The following TENM3 variants were observed in gnomAD, a reference collection of about 807,000 sequenced individuals.
TENM3 encodes the protein teneurin-3.
Under a neutral mutation model 255.1 loss-of-function variants are expected in TENM3, and 63 were observed. That is an observed-to-expected ratio of 0.25 (90% CI 0.20 to 0.30). The LOEUF (loss-of-function observed/expected upper bound fraction) is 0.30, where lower values mean the gene tolerates loss of function less well. Among genes scored for constraint, TENM3 ranks in the 10% least tolerant of loss-of-function variants. The pLI, the probability that TENM3 is intolerant of heterozygous loss-of-function variation, is 1.00. For synonymous variants in TENM3, 1,306 were observed against 1,322.3 expected (o/e 0.99, Z 0.27); for missense variants, 2,929 against 3,461.1 (o/e 0.85, Z 3.86).
intron 12 of TENM3, among the ~76,000 whole-genome samples, chr4:182,700,403 C>T (rs527634098): frequency 2.6e-5 from 4 of 152,190 alleles, no homozygotes; most frequent in Non-Finnish European, 5.9e-5. Flanking sequence ...AAAACAGTCC[C>T]TCTCCCACCT....
intron 2 of TENM3, among the ~76,000 whole-genome samples, chr4:182,343,217 GA>G (rs1343187628): frequency 6.6e-6 from 1 of 152,122 alleles, no homozygotes; most frequent in East Asian, 1.9e-4. Context: ...TAATCACAGT[GA>G]ATTCCATCCT....
chr4:182,582,230 G>A lies in TENM3; in HGVS notation c.512-18694G>A, dbSNP rs148599562. 6.3e-3 allele frequency among the ~76,000 whole-genome samples: 960 copies of A among 152,150 alleles called. 2 individuals are homozygous for A. Among genetic ancestry groups the A allele is most frequent in the African/African-American group, 0.01 (429 of 41,494 alleles). On this transcript the variant is annotated intron_variant, in intron 3 of 27. Transcript: ENST00000511685. ...AATTTCTACGGTACTGCCTTAATAC[G>A]AATACTTCCTCTTCATTTCCTTCTT...
chr4:181,958,677 C>T, the TENM3 span, among the ~76,000 whole-genome samples: 1 of 152,134 alleles, frequency 6.6e-6, no homozygotes, highest in Non-Finnish European at 1.5e-5. Context: ...ACAGCCCTCC[C>T]ATGTCCTTCA....
At chr4:182,322,744 A>G (rs1763136287) in intron 1 of TENM3, among the ~76,000 whole-genome samples, 1 of 152,156 alleles carries the variant, frequency 6.6e-6, no homozygotes, top group South Asian at 2.1e-4. Flanking sequence ...GAGACAGACC[A>G]AGACTGAGAC....
chr4:181,518,044 A>T, the TENM3 span, among the ~76,000 whole-genome samples: 1 of 152,124 alleles, frequency 6.6e-6, no homozygotes, highest in Non-Finnish European at 1.5e-5. Flanking sequence ...AAGGGAAAAA[A>T]AATAGTCAAT....
At chr4:181,638,112 A>G in the TENM3 span, among the ~76,000 whole-genome samples, 3 of 152,306 alleles carry the variant, frequency 2.0e-5, no homozygotes, top group African/African-American at 7.2e-5. Flanking sequence ...TTTTATTACT[A>G]TGTAACTTTT....
At chr4:182,206,722 G>A (rs750222483) in intron 1 of TENM3, among the ~76,000 whole-genome samples, 1 of 152,162 alleles carries the variant, frequency 6.6e-6, no homozygotes, top group Non-Finnish European at 1.5e-5. Flanking sequence ...TCATTCCAGA[G>A]TTTTTGTCCC....
chr4:181,961,953 T>G, the TENM3 span, among the ~76,000 whole-genome samples: 2 of 152,166 alleles, frequency 1.3e-5, no homozygotes, highest in Non-Finnish European at 1.5e-5. Context: ...TTATTCACTA[T>G]AGGTGAAAAT....
chr4:181,523,295 T>C, the TENM3 span, among the ~76,000 whole-genome samples: 1 of 152,158 alleles, frequency 6.6e-6, no homozygotes, highest in South Asian at 2.1e-4. Flanking sequence ...GTGCGTTAAA[T>C]ATGCTTCCAC....
chr4:181,956,316 A>C, the TENM3 span, among the ~76,000 whole-genome samples: 1 of 152,312 alleles, frequency 6.6e-6, no homozygotes, highest in African/African-American at 2.4e-5. Context: ...GCACTTAGTA[A>C]TTGAAATATA....
chr4:181,528,874 CACACACACACAT>C, the TENM3 span, among the ~76,000 whole-genome samples: 4 of 114,522 alleles, frequency 3.5e-5, no homozygotes, highest in South Asian at 5.4e-4. Flanking sequence ...GATAACCAAA[CACACACACACAT>C]ACACACACAC....
At chr4:181,549,175 G>A in the TENM3 span, among the ~76,000 whole-genome samples, 2 of 151,964 alleles carry the variant, frequency 1.3e-5, no homozygotes, top group East Asian at 3.9e-4. Context: ...CAACCTACTG[G>A]CTGCCCCGCC....
chr4:182,064,464 G>C, the TENM3 span, among the ~76,000 whole-genome samples: 1 of 152,110 alleles, frequency 6.6e-6, no homozygotes, highest in Non-Finnish European at 1.5e-5. Context: ...TGTAGTCCCA[G>C]CTACTCTACT....
intron 3 of TENM3, among the ~76,000 whole-genome samples, chr4:182,356,092 G>C (rs554131524): frequency 1.3e-5 from 2 of 151,998 alleles, no homozygotes; most frequent in East Asian, 3.9e-4. Flanking sequence ...TAAGGTTATA[G>C]ATGAAGCACC....
intron 12 of TENM3, among the ~76,000 whole-genome samples, chr4:182,702,024 C>T (rs995760204): frequency 6.6e-6 from 1 of 152,112 alleles, no homozygotes; most frequent in Middle Eastern, 3.2e-3. Flanking sequence ...ACTTGTATTT[C>T]TGAATTTGAG....
At chr4:181,772,466 G>T in the TENM3 span, among the ~76,000 whole-genome samples, 33 of 152,236 alleles carry the variant, frequency 2.2e-4, no homozygotes, top group East Asian at 4.2e-3. Flanking sequence ...TGATAGCACT[G>T]TAGCTCCTTT....
chr4:181,641,621 G>A, the TENM3 span, among the ~76,000 whole-genome samples: 29 of 32,602 alleles, frequency 8.9e-4, 2 homozygotes, highest in African/African-American at 3.4e-3. Flanking sequence ...ATATATATAT[G>A]GTGTGTGTAT....
intron 6 of TENM3, among the ~76,000 whole-genome samples, chr4:182,667,669 T>C (rs1483280452): frequency 1.3e-5 from 2 of 152,178 alleles, no homozygotes; most frequent in African/African-American, 2.4e-5. Flanking sequence ...TTACATTTCA[T>C]GTTTCTTACC....
chr4:182,234,807 A>G (rs1485710497), intron 1 of TENM3, among the ~76,000 whole-genome samples: 1 of 152,178 alleles, frequency 6.6e-6, no homozygotes, highest in African/African-American at 2.4e-5. Context: ...AGACAGGCGC[A>G]GGTAGACTTT....
Sources: allele counts gnomAD v4.1 joint callset (sites outside exome capture counted in the v4.1 genomes callset), GRCh38; gene constraint gnomAD v4.1.1; transcripts MANE v1.5; gene names NCBI Gene and HGNC (gene_info 2026-07-23, HGNC 2026-07-21).